SH3RF3: variants seen among roughly 807,000 people sequenced by gnomAD.
The protein encoded by SH3RF3 is E3 ubiquitin-protein ligase SH3RF3.
In SH3RF3, 29 loss-of-function variants were observed where a neutral mutation model predicts 66.3. The observed-to-expected ratio is 0.44, with a 90% CI of 0.33 to 0.60. SH3RF3 has a LOEUF of 0.60. Ranked by LOEUF, SH3RF3 falls within the 20% of genes least tolerant of loss-of-function variation. SH3RF3 has a pLI of 0.04. For synonymous variants in SH3RF3, 583 were observed against 532.0 expected (o/e 1.10, Z -1.32); for missense variants, 1,194 against 1,190.9 (o/e 1.00, Z -0.04).
intron 1 of SH3RF3, among the ~76,000 whole-genome samples, chr2:109,312,396 G>A (rs1025784255): frequency 6.6e-6 from 1 of 152,140 alleles, no homozygotes; most frequent in African/African-American, 2.4e-5. Flanking sequence ...TCATTATAAA[G>A]TGTGCCAGTG....
chr2:109,296,221 C>CTAT (rs111322381), intron 1 of SH3RF3, among the ~76,000 whole-genome samples: 92 of 151,424 alleles, frequency 6.1e-4, no homozygotes, highest in African/African-American at 1.6e-3. Context: ...ACAGAATGAC[C>CTAT]TAGTATTATT....
chr2:109,420,506 C>T (rs1021556706), intron 5 of SH3RF3, among the ~76,000 whole-genome samples: 4 of 152,090 alleles, frequency 2.6e-5, no homozygotes, highest in Admixed American at 1.3e-4. Context: ...AGTGCAATGG[C>T]GCGATCCCGG....
intron 4 of SH3RF3, among the ~76,000 whole-genome samples, chr2:109,411,398 T>G (rs1420712335): frequency 2.0e-5 from 3 of 152,218 alleles, no homozygotes; most frequent in African/African-American, 7.2e-5. Flanking sequence ...CCTCGTGTTC[T>G]TGGGAGTCAC....
intron 1 of SH3RF3, among the ~76,000 whole-genome samples, chr2:109,222,879 A>G (rs1679287119): frequency 6.6e-6 from 1 of 152,250 alleles, no homozygotes; most frequent in South Asian, 2.1e-4. Flanking sequence ...GGCATCCCCA[A>G]GGTGTCCGCG....
intron 1 of SH3RF3, among the ~76,000 whole-genome samples, chr2:109,130,628 G>A (rs763668783): frequency 3.3e-5 from 5 of 152,284 alleles, no homozygotes; most frequent in Non-Finnish European, 7.4e-5. Context: ...AATGCTTCTA[G>A]TAGTCTGGAA....
chr2:109,436,815 C>G, intron 6 of SH3RF3, 78 bp from the exon 7 acceptor site: 1 of 1,530,522 alleles, frequency 6.5e-7, no homozygotes, highest in Admixed American at 1.9e-5. Flanking sequence ...CAGGTCAGAG[C>G]GAGGCTCTGC....
At chr2:109,190,501 G>A (rs1374050970) in intron 1 of SH3RF3, among the ~76,000 whole-genome samples, 5 of 152,186 alleles carry the variant, frequency 3.3e-5, no homozygotes, top group African/African-American at 9.7e-5. Context: ...GATTGTTTCC[G>A]ATGGGTTGTA....
chr2:109,424,048 G>T (rs182603422), intron 5 of SH3RF3, among the ~76,000 whole-genome samples: 1 of 152,198 alleles, frequency 6.6e-6, no homozygotes, highest in East Asian at 1.9e-4. Flanking sequence ...GCAGGCCCTG[G>T]TGGTGGCAGC....
chr2:109,302,001 G>A (rs1308187213), intron 1 of SH3RF3, among the ~76,000 whole-genome samples: 1 of 152,200 alleles, frequency 6.6e-6, no homozygotes, highest in Non-Finnish European at 1.5e-5. Flanking sequence ...TCTTCGTTGT[G>A]TGACTCAGTT....
intron 3 of SH3RF3, among the ~76,000 whole-genome samples, chr2:109,397,031 A>C (rs913922609): frequency 6.6e-6 from 1 of 152,208 alleles, no homozygotes; most frequent in South Asian, 2.1e-4. Context: ...GTTTTCGGAA[A>C]GCCCTTTGGC....
intron 1 of SH3RF3, among the ~76,000 whole-genome samples, chr2:109,300,777 T>A (rs1246150291): frequency 6.6e-6 from 1 of 152,186 alleles, no homozygotes; most frequent in African/African-American, 2.4e-5. Context: ...GGGCTCCACC[T>A]CCTTTCTCAG....
intron 1 of SH3RF3, among the ~76,000 whole-genome samples, chr2:109,213,965 C>T (rs1006568416): frequency 3.3e-5 from 5 of 152,140 alleles, no homozygotes; most frequent in Admixed American, 2.0e-4. Context: ...TGGAGCAGTC[C>T]CTGCAAAAGA....
At chr2:109,459,571 C>T (rs1678158740) in intron 8 of SH3RF3, among the ~76,000 whole-genome samples, 1 of 152,178 alleles carries the variant, frequency 6.6e-6, no homozygotes, top group African/African-American at 2.4e-5. Context: ...CCCAGACATG[C>T]TCTTGCCCAT....
rs184373137 is a variant in SH3RF3 at position 109,290,956 on chromosome 2, C to T, written c.574-56718C>T. ...CTTTTTACTGTTTTCCTGGGGTGCC[C>T]GGCAATATGCCGGGTACATAGTAGG... On this transcript the variant is annotated intron_variant, in intron 1 of 9. Transcript: ENST00000309415. Among the ~76,000 whole-genome samples the T allele has an allele frequency of 2.0e-4, 30 of 152,342 alleles. No individual in the cohort carries two copies. In the East Asian group the frequency reaches 4.6e-3, roughly 23 times the overall value.
intron 1 of SH3RF3, among the ~76,000 whole-genome samples, chr2:109,319,389 G>A (rs1043227836): frequency 6.6e-6 from 1 of 152,222 alleles, no homozygotes; most frequent in Non-Finnish European, 1.5e-5. Context: ...TGGGCTCAGT[G>A]GGGTCCCGGG....
At chr2:109,305,382 G>A (rs1681566811) in intron 1 of SH3RF3, among the ~76,000 whole-genome samples, 1 of 152,066 alleles carries the variant, frequency 6.6e-6, no homozygotes, top group Non-Finnish European at 1.5e-5. Context: ...CCATACAGGT[G>A]TCTCGGGGCA....
chr2:109,423,727 C>G (rs1573239885), intron 5 of SH3RF3, among the ~76,000 whole-genome samples: 1 of 152,214 alleles, frequency 6.6e-6, no homozygotes, highest in African/African-American at 2.4e-5. Flanking sequence ...TGTGGTCAGC[C>G]TGGCCCCATG....
intron 1 of SH3RF3, among the ~76,000 whole-genome samples, chr2:109,136,128 CG>C (rs1331479676): frequency 1.4e-4 from 22 of 152,074 alleles, no homozygotes; most frequent in Non-Finnish European, 3.2e-4. Context: ...ATGACAGATT[CG>C]GGGCTCAGTT....
chr2:109,277,212 G>C (rs547853751), intron 1 of SH3RF3, among the ~76,000 whole-genome samples: 1 of 152,254 alleles, frequency 6.6e-6, no homozygotes, highest in African/African-American at 2.4e-5. Flanking sequence ...ATCTGTGCCT[G>C]GTGTGCCCTG....
Sources: gnomAD v4.1 joint callset for allele counts (sites outside exome capture counted in the v4.1 genomes callset) on GRCh38, gnomAD v4.1.1 for gene constraint, MANE v1.5 for transcripts, NCBI Gene and HGNC (gene_info 2026-07-23, HGNC 2026-07-21) for gene names.